Variants in PLEKHG1 observed in about 807,000 individuals in gnomAD.
PLEKHG1 encodes the protein pleckstrin homology and RhoGEF domain containing G1, also known as pleckstrin homology domain-containing family G member 1.
A neutral mutation model predicts 100.8 loss-of-function variants in PLEKHG1; 44 were observed. The ratio of observed to expected loss-of-function variants is 0.44; its 90% CI spans 0.34 to 0.56. PLEKHG1 has a LOEUF of 0.56. PLEKHG1 is among the 20% of genes least tolerant of loss of function. The probability of loss-of-function intolerance (pLI) is 0.01; values close to 1 mark genes in which losing one functional copy is unlikely to be tolerated. For missense variants in PLEKHG1, 1,545 were observed against 1,720.9 expected, an observed-to-expected ratio of 0.90 and a Z score of 1.81; for synonymous variants, 640 against 662.5, an observed-to-expected ratio of 0.97 and a Z score of 0.52.
At chr6:150,606,461 C>T (rs1273550484) in intron 1 of PLEKHG1, among the ~76,000 whole-genome samples, 1 of 152,180 alleles carries the variant, frequency 6.6e-6, no homozygotes, top group Non-Finnish European at 1.5e-5. Flanking sequence ...AGATCCAACC[C>T]CTTCCCAGCT....
chr6:150,697,846 G>A (rs1021779235), intron 3 of PLEKHG1, among the ~76,000 whole-genome samples: 1 of 152,130 alleles, frequency 6.6e-6, no homozygotes, highest in African/African-American at 2.4e-5. Flanking sequence ...GCTTAAGAAA[G>A]TGATTCTGGT....
chr6:150,840,183 G>T, exon 16 of PLEKHG1: 1 of 1,614,230 alleles, frequency 6.2e-7, no homozygotes. Flanking sequence ...CAGCGTGGTA[G>T]TAAGTCAGCC....
intron 2 of PLEKHG1, among the ~76,000 whole-genome samples, chr6:150,641,638 G>A (rs1778262717): frequency 6.6e-6 from 1 of 152,074 alleles, no homozygotes; most frequent in Admixed American, 6.5e-5. Flanking sequence ...AGTGCTGGTG[G>A]CTGTGGTGCT....
At chr6:150,792,690 C>CA (rs869076999) in intron 4 of PLEKHG1, among the ~76,000 whole-genome samples, 63 of 150,894 alleles carry the variant, frequency 4.2e-4, no homozygotes, top group South Asian at 6.4e-4. Flanking sequence ...ACAACAACAA[C>CA]AAAAAAAAAC....
intron 3 of PLEKHG1, among the ~76,000 whole-genome samples, chr6:150,672,771 AAAGAT>A (rs1779622744): frequency 6.6e-6 from 1 of 152,246 alleles, no homozygotes; most frequent in Non-Finnish European, 1.5e-5. Flanking sequence ...TATAGATAAA[AAAGAT>A]AAGATTAAAT....
chr6:150,702,572 G>GTGTGTGTGTGTGTA, intron 3 of PLEKHG1, among the ~76,000 whole-genome samples: 1 of 151,738 alleles, frequency 6.6e-6, no homozygotes, highest in East Asian at 1.9e-4. Flanking sequence ...GTGTGTGTGT[G>GTGTGTGTGTGTGTA]TGTGTGTGTG....
upstream of PLEKHG1, among the ~76,000 whole-genome samples, chr6:150,718,025 C>G (rs1257545820): frequency 6.6e-6 from 1 of 152,084 alleles, no homozygotes; most frequent in Admixed American, 6.6e-5. Context: ...TTGCAGTAGG[C>G]CGAGATAGTG....
At position 150,807,849 on chromosome 6, in the gene PLEKHG1, A is replaced by G. The variant is rs1418614642; in HGVS notation, c.913-1256A>G. Among the ~76,000 whole-genome samples, 7 of 152,278 alleles carry G rather than the reference A, an allele frequency of 4.6e-5. No homozygotes were observed. In the East Asian group the frequency reaches 1.2e-3, roughly 25 times the overall value. ...CCAGGCATGGTGGTGGGTGCCTATA[A>G]TCCCAGCTACTTGAGAGGCTGAGGC... On this transcript the variant is annotated intron_variant, in intron 7 of 15. Coordinates refer to ENST00000358517, the Ensembl canonical transcript of PLEKHG1.
chr6:150,814,637 C>T (rs995047864), intron 10 of PLEKHG1, among the ~76,000 whole-genome samples: 1 of 148,072 alleles, frequency 6.8e-6, no homozygotes, highest in African/African-American at 2.5e-5. Context: ...CATGACCAAG[C>T]CTGGATTGGT....
At chr6:150,690,233 T>C (rs1188145945) in intron 3 of PLEKHG1, among the ~76,000 whole-genome samples, 1 of 152,140 alleles carries the variant, frequency 6.6e-6, no homozygotes, top group Non-Finnish European at 1.5e-5. Flanking sequence ...TTTCCATAAG[T>C]AATTGGGGGT....
At chr6:150,664,730 C>T (rs975796822) in intron 3 of PLEKHG1, among the ~76,000 whole-genome samples, 12 of 152,074 alleles carry the variant, frequency 7.9e-5, no homozygotes, top group Admixed American at 3.9e-4. Flanking sequence ...CAGCTGACAC[C>T]GCCATCTAGA....
At chr6:150,840,939 C>T in exon 16 of PLEKHG1, 2 of 1,439,554 alleles carry the variant, frequency 1.4e-6, no homozygotes, top group Non-Finnish European at 1.9e-6. Context: ...TTATTTTGCT[C>T]ATAAAACGTT....
At chr6:150,625,110 C>T (rs754310967) in intron 1 of PLEKHG1, among the ~76,000 whole-genome samples, 1 of 151,434 alleles carries the variant, frequency 6.6e-6, no homozygotes, top group Non-Finnish European at 1.5e-5. Context: ...TGCCACTGCA[C>T]TCCAGCCTGA....
rs1485619958 is a variant in PLEKHG1 at position 150,777,459 on chromosome 6, C to T, written c.512+8721C>T. Among the ~76,000 whole-genome samples the T allele has an allele frequency of 6.2e-5, 8 of 129,814 alleles. No homozygotes were observed. In the East Asian group the frequency reaches 9.5e-4, roughly 15 times the overall value. 85.2% of individuals were successfully genotyped at this position (129,814 alleles called of 152,430 possible). A position where few individuals can be genotyped will look rare whatever the true frequency, so the allele number is the denominator to read the frequency against. On this transcript the variant is annotated intron_variant, in intron 3 of 15. Transcript: ENST00000358517. ...GTGCACATGTGCGGTTGCACATCAGCCACACTGATGCAATCCTGGTGCACA... is the reference window on the plus strand; with the variant it reads ...GTGCACATGTGCGGTTGCACATCAGTCACACTGATGCAATCCTGGTGCACA...
intron 10 of PLEKHG1, among the ~76,000 whole-genome samples, chr6:150,813,068 G>A (rs895371934): frequency 6.6e-6 from 1 of 152,228 alleles, no homozygotes; most frequent in South Asian, 2.1e-4. Context: ...CACTTTGGGA[G>A]GCGGAGGCGG....
chr6:150,618,208 ATGAG>A (rs1777148269), intron 1 of PLEKHG1, among the ~76,000 whole-genome samples: 2 of 152,242 alleles, frequency 1.3e-5, no homozygotes, highest in Admixed American at 6.5e-5. Flanking sequence ...TTTTACATTA[ATGAG>A]TAAGACAAAA....
rs114303573 is a variant in PLEKHG1 at position 150,740,195 on chromosome 6, G to A, written c.411+6103G>A. Among the ~76,000 whole-genome samples the A allele has an allele frequency of 4.8e-3, 732 of 152,360 alleles. 4 individuals are homozygous for A. The highest frequency in any genetic ancestry group is 0.017 in the African/African-American group (699 of 41,586). ...TGAAATGGAATCTGAGTTGGCTTTT[G>A]TCCTGGGGGCACCCCTCCCTTGAGG... On this transcript the variant is annotated intron_variant, in intron 2 of 15. Coordinates refer to ENST00000358517, the Ensembl canonical transcript of PLEKHG1.
rs751721495 is a variant in PLEKHG1, at chr6:150,831,066, T to G, written c.1955T>G (p.Leu652Trp). 16 of 1,613,588 alleles carry G rather than the reference T, an allele frequency of 9.9e-6. 1 individual carries two copies. In the Admixed American group the frequency reaches 2.7e-4, roughly 27 times the overall value. The change falls in exon 15 of 16, where the codon TTG becomes TGG. Residue 652 changes from leucine to tryptophan, a missense_variant. By Grantham distance (61) the Leu-to-Trp change is moderately conservative. Transcript: ENST00000358517. This position sits in a 1 kb window ranked among gnomAD's most constrained non-coding sequence, Gnocchi z 4.1. ...ACTCCCTTTGGGTCATCCATAGAGT[T>G]GACTATTGATGACATAGACCATGTC...
At chr6:150,804,115 G>T (rs10046456) in intron 6 of PLEKHG1, among the ~76,000 whole-genome samples, 12,344 of 123,420 alleles carry the variant, frequency 0.1, 973 homozygotes, top group East Asian at 0.23. Context: ...GGTATCTCTG[G>T]CCTCAAAATC....
Sources: gnomAD v4.1 joint callset for allele counts (sites outside exome capture counted in the v4.1 genomes callset) on GRCh38, gnomAD v4.1.1 for gene constraint, Gnocchi (gnomAD v3.1) non-coding constraint, MANE v1.5 for transcripts, NCBI Gene and HGNC (gene_info 2026-07-23, HGNC 2026-07-21) for gene names.